Variants in RFX3 observed in about 807,000 individuals in gnomAD.
RFX3 encodes the protein transcription factor RFX3.
Under a neutral mutation model 98.6 loss-of-function variants are expected in RFX3, and 14 were observed. That is an observed-to-expected ratio of 0.14 (90% confidence interval 0.09 to 0.22). RFX3 has a LOEUF of 0.22. Ranked by LOEUF, RFX3 falls within the 10% of genes least tolerant of loss-of-function variation. The pLI is 1.00. For synonymous variants in RFX3, 383 were observed against 328.4 expected (o/e 1.17, Z -1.80); for missense variants, 639 against 926.9 (o/e 0.69, Z 4.03).
intron 2 of RFX3, among the ~76,000 whole-genome samples, chr9:3,359,860 G>A (rs141286686): frequency 1.6e-4 from 25 of 152,026 alleles, no homozygotes; most frequent in African/African-American, 4.6e-4. Context: ...CTATTTTCTC[G>A]TTCTAAAATG....
chr9:3,355,067 T>C (rs1735126524), intron 2 of RFX3, among the ~76,000 whole-genome samples: 2 of 151,864 alleles, frequency 1.3e-5, no homozygotes, highest in Admixed American at 1.3e-4. Flanking sequence ...ATACATATTT[T>C]TTAAATCTTT....
intron 14 of RFX3, among the ~76,000 whole-genome samples, chr9:3,252,075 C>T (rs781004725): frequency 5.5e-4 from 83 of 152,110 alleles, no homozygotes; most frequent in African/African-American, 1.9e-3. Flanking sequence ...GTCGAACTCC[C>T]GACCTCAGGT....
At chr9:3,270,222 C>T in intron 11 of RFX3, 149 bp downstream of exon 11, 1 of 662,562 alleles carries the variant, frequency 1.5e-6, no homozygotes, top group Non-Finnish European at 2.4e-6. Context: ...CTCTAGGCTG[C>T]TTTCACGCAA....
Position 3,288,261 on chromosome 9 carries a change from G to C in RFX3, c.732-11C>G, listed in dbSNP as rs761157096. The C allele has an allele frequency of 3.7e-6, 6 of 1,610,468 alleles. No individual in the cohort carries two copies. The East Asian group carries it at 1.3e-4, about 36-fold the overall frequency. On this transcript the variant is annotated splice_polypyrimidine_tract_variant and intron_variant, in intron 6 of 16. Transcript: ENST00000617270. The stretch of plus-strand genomic sequence containing the variant: ...TATTTGGAGTTTCCTCTTCATTAAT[G>C]AACAAGAAACATTAGAAACAAAAGT...
At position 3,481,672 on chromosome 9, in the gene RFX3, T is replaced by G. The variant is rs142466193; in HGVS notation, c.-9+44075A>C. ...GCATTATGGATCACAAATTTCCATA[T>G]CCTATAATATGAAGAGATCTTGAAA... On this transcript the variant is annotated intron_variant, in intron 1 of 16. Coordinates refer to ENST00000617270, the MANE Select transcript of RFX3 (RefSeq NM_001282116.2). 5.0e-3 allele frequency among the ~76,000 whole-genome samples: 765 copies of G among 151,996 alleles called. 1 individual carries two copies. Among genetic ancestry groups the G allele is most frequent in the African/African-American group, 0.017 (725 of 41,508 alleles).
At chr9:3,472,009 G>A (rs1848821989) in intron 1 of RFX3, among the ~76,000 whole-genome samples, 3 of 152,210 alleles carry the variant, frequency 2.0e-5, no homozygotes, top group Admixed American at 1.3e-4. Flanking sequence ...GTGGCCTGAT[G>A]AGGTCCTGGG....
intron 5 of RFX3, among the ~76,000 whole-genome samples, chr9:3,294,952 T>C (rs1296722111): frequency 6.6e-6 from 1 of 152,112 alleles, no homozygotes; most frequent in Non-Finnish European, 1.5e-5. Flanking sequence ...AAAATAAACA[T>C]TTGTTTTTAC....
At chr9:3,462,702 T>C (rs1448711013) in intron 1 of RFX3, among the ~76,000 whole-genome samples, 1 of 152,078 alleles carries the variant, frequency 6.6e-6, no homozygotes, top group Non-Finnish European at 1.5e-5. Context: ...AACATTACAG[T>C]GTTACAAGGT....
chr9:3,280,553 A>AAGGAGGGAG (rs1825800130), intron 7 of RFX3, among the ~76,000 whole-genome samples: 2 of 151,842 alleles, frequency 1.3e-5, no homozygotes, highest in South Asian at 4.2e-4. Flanking sequence ...CTTCCCAAAG[A>AAGGAGGGAG]AGGAGGGAGT....
At chr9:3,503,109 T>C (rs1393285834) in intron 1 of RFX3, among the ~76,000 whole-genome samples, 1 of 152,138 alleles carries the variant, frequency 6.6e-6, no homozygotes, top group Non-Finnish European at 1.5e-5. Context: ...TTTTGCTTAA[T>C]TTTTTACTTT....
At position 3,222,119 on chromosome 9, in the gene RFX3, A is replaced by G. The variant is rs571634160; in HGVS notation, c.*2923T>C. The stretch of plus-strand genomic sequence containing the variant: ...ATAAATTGTTTTTATTTTCTTATAT[A>G]TTTTTCACAATTCAAATTCGAAATT... On this transcript the variant is annotated 3_prime_UTR_variant, in exon 17 of 17. Coordinates refer to ENST00000617270, the MANE Select transcript of RFX3 (RefSeq NM_001282116.2). The G allele has an allele frequency of 2.0e-5, 3 of 152,242 alleles. No individual in the cohort carries two copies. The highest frequency in any genetic ancestry group is 3.9e-4 in the East Asian group (2 of 5,190). The allele number at this position is 152,242 out of a possible 1,614,324, so 9.4% of individuals were successfully genotyped here.
chr9:3,436,350 G>T (rs1845121016), intron 1 of RFX3, among the ~76,000 whole-genome samples: 1 of 151,956 alleles, frequency 6.6e-6, no homozygotes, highest in Non-Finnish European at 1.5e-5. Context: ...ACAGAAGCAA[G>T]AATATAGCCC....
chr9:3,308,261 A>G (rs932875188), intron 4 of RFX3, among the ~76,000 whole-genome samples: 1 of 152,124 alleles, frequency 6.6e-6, no homozygotes, highest in Non-Finnish European at 1.5e-5. Flanking sequence ...CAATCAGATA[A>G]GACTCTATGG....
chr9:3,372,791 G>A (rs1446312223), intron 2 of RFX3, among the ~76,000 whole-genome samples: 1 of 151,796 alleles, frequency 6.6e-6, no homozygotes, highest in Non-Finnish European at 1.5e-5. Context: ...TTACCATGTT[G>A]GCCAGGCTGG....
At chr9:3,395,336 G>T in intron 2 of RFX3, 136 bp downstream of exon 2, 2 of 929,236 alleles carry the variant, frequency 2.2e-6, no homozygotes, top group South Asian at 1.6e-5. Context: ...AGAAACATTT[G>T]CTGAATGAAC....
intron 1 of RFX3, chr9:3,488,740 T>C (rs866389031): frequency 9.6e-5 from 94 of 977,896 alleles, no homozygotes; most frequent in Middle Eastern, 1.1e-3. Flanking sequence ...AGAAAATGCA[T>C]AGGGGAATTT....
At chr9:3,362,501 G>C (rs1836575412) in intron 2 of RFX3, among the ~76,000 whole-genome samples, 1 of 152,096 alleles carries the variant, frequency 6.6e-6, no homozygotes, top group South Asian at 2.1e-4. Context: ...GATGCTTCCA[G>C]CAGGTTCAAA....
chr9:3,411,301 C>T (rs1003361593), intron 1 of RFX3, among the ~76,000 whole-genome samples: 2 of 152,176 alleles, frequency 1.3e-5, no homozygotes, highest in African/African-American at 4.8e-5. Flanking sequence ...CCCAGTCCAT[C>T]TTCCTCGCTC....
chr9:3,462,826 T>C (rs1343023056), intron 1 of RFX3, among the ~76,000 whole-genome samples: 2 of 152,056 alleles, frequency 1.3e-5, no homozygotes, highest in African/African-American at 4.8e-5. Context: ...CTTATAATAG[T>C]ATTAAATATA....
Sources: allele counts gnomAD v4.1 joint callset (sites outside exome capture counted in the v4.1 genomes callset), GRCh38; gene constraint gnomAD v4.1.1; transcripts MANE v1.5; gene names NCBI Gene and HGNC (gene_info 2026-07-23, HGNC 2026-07-21).